GULP1: variants seen among roughly 807,000 people sequenced by gnomAD.
GULP1 encodes PTB domain-containing engulfment adapter protein 1.
In GULP1, 19 loss-of-function variants were observed where a neutral mutation model predicts 40.9. That is an observed-to-expected ratio of 0.46 (90% CI 0.32 to 0.68). GULP1 has a LOEUF of 0.68. Ranked by LOEUF, GULP1 falls within the 30% of genes least tolerant of loss-of-function variation. GULP1 has a pLI of 0.03. For missense variants in GULP1, 312 were observed against 362.2 expected (o/e 0.86, Z 1.12); for synonymous variants, 119 against 117.6 (o/e 1.01, Z -0.08).
At chr2:188,443,226 A>C (rs192589147) in intron 2 of GULP1, among the ~76,000 whole-genome samples, 83 of 152,172 alleles carry the variant, frequency 5.5e-4, no homozygotes, top group African/African-American at 2.0e-3. Context: ...CCCTTTCCTG[A>C]CTTAACTTGC....
At chr2:188,377,917 T>G (rs1054781732) in intron 1 of GULP1, among the ~76,000 whole-genome samples, 1 of 152,162 alleles carries the variant, frequency 6.6e-6, no homozygotes, top group African/African-American at 2.4e-5. Flanking sequence ...TTTTCACTTC[T>G]CTGGGAGTGT....
chr2:188,560,635 A>G (rs909273185), intron 7 of GULP1, among the ~76,000 whole-genome samples: 1 of 152,192 alleles, frequency 6.6e-6, no homozygotes, highest in Non-Finnish European at 1.5e-5. Flanking sequence ...TATACCTAAG[A>G]CTGGGTAATT....
intron 7 of GULP1, among the ~76,000 whole-genome samples, chr2:188,546,633 A>G (rs767158172): frequency 9.9e-5 from 15 of 152,056 alleles, no homozygotes; most frequent in Admixed American, 4.6e-4. Flanking sequence ...TGAATAATCT[A>G]TGTTCCCATC....
At chr2:188,374,923 C>T (rs1473626869) in intron 1 of GULP1, among the ~76,000 whole-genome samples, 2 of 151,954 alleles carry the variant, frequency 1.3e-5, no homozygotes, top group Non-Finnish European at 2.9e-5. Context: ...TGCTACTGAG[C>T]AAAAGAGCAA....
chr2:188,301,905 A>G (rs925025951), intron 1 of GULP1, among the ~76,000 whole-genome samples: 22 of 152,316 alleles, frequency 1.4e-4, no homozygotes, highest in African/African-American at 5.3e-4. Flanking sequence ...AACCTTGGGT[A>G]CTTGATGGAA....
At chr2:188,506,237 A>T (rs1271338094) in intron 4 of GULP1, among the ~76,000 whole-genome samples, 2 of 151,926 alleles carry the variant, frequency 1.3e-5, no homozygotes, top group Admixed American at 1.3e-4. Context: ...TCCCTATTAA[A>T]TTTAAGATTT....
intron 1 of GULP1, among the ~76,000 whole-genome samples, chr2:188,305,325 T>C (rs1271861967): frequency 6.6e-6 from 1 of 152,142 alleles, no homozygotes; most frequent in East Asian, 1.9e-4. Context: ...TGAACCCTTT[T>C]TGGGTTTTGA....
intron 2 of GULP1, among the ~76,000 whole-genome samples, chr2:188,426,658 T>C (rs1375158150): frequency 6.6e-6 from 1 of 152,226 alleles, no homozygotes; most frequent in Non-Finnish European, 1.5e-5. Flanking sequence ...AGTTCTGTGA[T>C]CTCTGTTTTA....
intron 11 of GULP1, chr2:188,589,881 A>G (rs372309323): frequency 3.4e-5 from 15 of 437,912 alleles, no homozygotes; most frequent in East Asian, 1.4e-4. Context: ...ATAATTAGTT[A>G]TGTTTAGAGA....
At chr2:188,504,146 G>A (rs2153170016) in intron 4 of GULP1, among the ~76,000 whole-genome samples, 1 of 152,030 alleles carries the variant, frequency 6.6e-6, no homozygotes, top group Middle Eastern at 3.4e-3. Flanking sequence ...CTTCTGTACA[G>A]TAGAAGGAAA....
At chr2:188,493,950 C>T (rs1030856501) in intron 4 of GULP1, among the ~76,000 whole-genome samples, 2 of 152,034 alleles carry the variant, frequency 1.3e-5, no homozygotes, top group Admixed American at 1.3e-4. Context: ...CTCAAACTCA[C>T]CTTCCTGAAT....
At chr2:188,451,807 T>C (rs1345976569) in intron 2 of GULP1, among the ~76,000 whole-genome samples, 1 of 152,110 alleles carries the variant, frequency 6.6e-6, no homozygotes, top group Non-Finnish European at 1.5e-5. Context: ...ATTGCACTAA[T>C]GTAATTCATA....
At chr2:188,536,137 C>T (rs2153276112) in intron 6 of GULP1, among the ~76,000 whole-genome samples, 1 of 152,204 alleles carries the variant, frequency 6.6e-6, no homozygotes, top group East Asian at 1.9e-4. Context: ...TTCTCCCATT[C>T]TGTAAGGTGT....
chr2:188,333,260 T>A lies in GULP1; in HGVS notation c.-172+41094T>A, dbSNP rs763156459. On this transcript the variant is annotated intron_variant, in intron 1 of 11. Transcript: ENST00000409830. Reference sequence around the variant, plus strand: ...GACCTTGTCTAAAAAAAAAAAAAAATTTGGCAGGTATACTGAAGGGAATGG... The same window carrying A: ...GACCTTGTCTAAAAAAAAAAAAAAAATTGGCAGGTATACTGAAGGGAATGG... Among the ~76,000 whole-genome samples, 8 of 150,604 alleles carry A rather than the reference T, an allele frequency of 5.3e-5. No homozygotes were observed. In the South Asian group the frequency reaches 6.3e-4, roughly 12 times the overall value.
At chr2:188,379,166 C>T (rs1255898034) in intron 1 of GULP1, among the ~76,000 whole-genome samples, 1 of 152,048 alleles carries the variant, frequency 6.6e-6, no homozygotes, top group East Asian at 1.9e-4. Context: ...CAAAGCACTG[C>T]AGAAAGTTTA....
intron 1 of GULP1, among the ~76,000 whole-genome samples, chr2:188,322,976 C>G (rs561680634): frequency 3.3e-4 from 50 of 152,276 alleles, no homozygotes; most frequent in African/African-American, 1.1e-3. Flanking sequence ...ACCATCTGCA[C>G]TGTGCTTATG....
intron 7 of GULP1, among the ~76,000 whole-genome samples, chr2:188,546,689 A>G (rs1218814782): frequency 6.6e-6 from 1 of 152,010 alleles, no homozygotes; most frequent in East Asian, 1.9e-4. Flanking sequence ...CCTCAAAGTA[A>G]GCAGACGGAA....
At chr2:188,315,628 A>T (rs1186028547) in intron 1 of GULP1, among the ~76,000 whole-genome samples, 1 of 152,128 alleles carries the variant, frequency 6.6e-6, no homozygotes, top group Admixed American at 6.6e-5. Flanking sequence ...GGCCCCCTTC[A>T]TCCTCAGGAG....
chr2:188,445,963 G>T (rs909149512), intron 2 of GULP1, among the ~76,000 whole-genome samples: 1 of 152,090 alleles, frequency 6.6e-6, no homozygotes, highest in Non-Finnish European at 1.5e-5. Context: ...ACTCGTTTAT[G>T]ATCACAGATT....
Sources: allele counts gnomAD v4.1 joint callset (sites outside exome capture counted in the v4.1 genomes callset), GRCh38; gene constraint gnomAD v4.1.1; transcripts MANE v1.5; gene names NCBI Gene and HGNC (gene_info 2026-07-23, HGNC 2026-07-21).